Variants in ARHGEF26 observed in about 807,000 individuals in gnomAD.
The protein encoded by ARHGEF26 is Rho guanine nucleotide exchange factor 26.
Under a neutral mutation model 89.4 loss-of-function variants are expected in ARHGEF26, and 59 were observed. The observed-to-expected ratio is 0.66, with a 90% confidence interval of 0.54 to 0.82. The LOEUF (loss-of-function observed/expected upper bound fraction) is 0.82. ARHGEF26 is among the 40% of genes least tolerant of loss of function. ARHGEF26 has a pLI of 0.00. For synonymous variants in ARHGEF26, 500 were observed against 428.4 expected, an observed-to-expected ratio of 1.17 and a Z score of -2.06; for missense variants, 1,234 against 1,085.6, an observed-to-expected ratio of 1.14 and a Z score of -1.92.
In ARHGEF26 at chr3:154,257,810, G is replaced by C. The variant is rs1395965195; in HGVS notation, c.*2337G>C. ...TCAGAAAAATATGTGAATTTATAAA[G>C]ATTTTGTAGATACTTGTCCTTTTGT... On this transcript the variant is annotated 3_prime_UTR_variant, in exon 15 of 15. Coordinates refer to ENST00000465093, the MANE Select transcript of ARHGEF26 (RefSeq NM_015595.4). 1 of 152,162 alleles carries C rather than the reference G, an allele frequency of 6.6e-6. No individual in the cohort carries two copies. The highest frequency in any genetic ancestry group is 2.4e-5 in the African/African-American group (1 of 41,436). The allele number at this position is 152,162 out of a possible 1,614,324, so 9.4% of individuals were successfully genotyped here.
chr3:154,151,270 A>T (rs1056105217), intron 5 of ARHGEF26, among the ~76,000 whole-genome samples: 1 of 152,200 alleles, frequency 6.6e-6, no homozygotes, highest in African/African-American at 2.4e-5. Context: ...CAAAGGGCTT[A>T]TTTGTTTATG....
At chr3:154,140,393 G>A (rs1719285896) in intron 4 of ARHGEF26, among the ~76,000 whole-genome samples, 1 of 152,200 alleles carries the variant, frequency 6.6e-6, no homozygotes, top group South Asian at 2.1e-4. Flanking sequence ...AGCCTCTGCA[G>A]TGACCTCAAA....
intron 3 of ARHGEF26, among the ~76,000 whole-genome samples, chr3:154,126,849 G>A (rs750493161): frequency 6.6e-6 from 1 of 152,120 alleles, no homozygotes; most frequent in Non-Finnish European, 1.5e-5. Flanking sequence ...CAGTTTTGTT[G>A]TTGTGCAAAT....
chr3:154,191,432 G>T lies in ARHGEF26; in HGVS notation c.1770+14G>T, dbSNP rs757235868. ...CTGCTGATGGATGTAAGACATGACGGTGGCTTTTTCCTCTGTGGATAGCTG... is the reference window on the plus strand; with the variant it reads ...CTGCTGATGGATGTAAGACATGACGTTGGCTTTTTCCTCTGTGGATAGCTG... On this transcript the variant is annotated intron_variant, in intron 8 of 14. Transcript: ENST00000465093. 6.2e-7 allele frequency: 1 copy of T among 1,610,262 alleles called. No homozygotes were observed. Among genetic ancestry groups the T allele is most frequent in the South Asian group, 1.1e-5 (1 of 90,292 alleles).
chr3:154,161,573 T>C (rs1043267167), intron 6 of ARHGEF26, among the ~76,000 whole-genome samples: 1 of 152,216 alleles, frequency 6.6e-6, no homozygotes, highest in Non-Finnish European at 1.5e-5. Flanking sequence ...TGTTGACTTT[T>C]GTAAATATAT....
At chr3:154,231,716 C>T (rs949443158) in intron 11 of ARHGEF26, among the ~76,000 whole-genome samples, 1 of 152,196 alleles carries the variant, frequency 6.6e-6, no homozygotes, top group Non-Finnish European at 1.5e-5. Flanking sequence ...ACGGCACGCT[C>T]TAGGACCAGA....
At position 154,240,552 on chromosome 3, in the gene ARHGEF26, T is replaced by C. The variant is rs1428780683; in HGVS notation, c.2273T>C (p.Val758Ala). 1.2e-6 allele frequency: 2 copies of C among 1,612,062 alleles called. No homozygotes were observed. The highest frequency in any genetic ancestry group is 3.3e-5 in the Admixed American group (2 of 59,720). Reference sequence around the variant, plus strand: ...CTTAGTAACCACGCGAATGAGAAAGTGGAGATGCTACTAGGAGCTGAGACG... The same window carrying C: ...CTTAGTAACCACGCGAATGAGAAAGCGGAGATGCTACTAGGAGCTGAGACG... ...TVLSNHANEK[V>A]EMLLGAETQS... The change falls in exon 12 of 15, where the codon GTG becomes GCG. Residue 758 changes from valine to alanine, a missense_variant. Transcript: ENST00000465093.
intron 1 of ARHGEF26, 134 bp from the exon 2 acceptor site, chr3:154,121,808 G>A (rs998467345): frequency 2.5e-6 from 2 of 794,072 alleles, no homozygotes; most frequent in Admixed American, 3.1e-5. Flanking sequence ...GTTTTTGCCC[G>A]AGAAAGGGCG....
chr3:154,239,471 T>C (rs116822549), intron 11 of ARHGEF26, among the ~76,000 whole-genome samples: 1,652 of 152,062 alleles, frequency 0.011, 20 homozygotes, highest in African/African-American at 0.038. Flanking sequence ...GCTTCAAAGC[T>C]GATGATGTTT....
chr3:154,202,476 G>A (rs1201573546), intron 9 of ARHGEF26, among the ~76,000 whole-genome samples: 1 of 152,068 alleles, frequency 6.6e-6, no homozygotes, highest in African/African-American at 2.4e-5. Flanking sequence ...GATTGACTTG[G>A]CAATGTGGGC....
At chr3:154,188,547 G>A (rs1304658682) in intron 7 of ARHGEF26, among the ~76,000 whole-genome samples, 1 of 152,134 alleles carries the variant, frequency 6.6e-6, no homozygotes, top group Non-Finnish European at 1.5e-5. Context: ...AAAGAGTCCT[G>A]TTTATCACAA....
At chr3:154,161,281 T>C (rs1711647472) in intron 6 of ARHGEF26, among the ~76,000 whole-genome samples, 1 of 87,360 alleles carries the variant, frequency 1.1e-5, no homozygotes, top group South Asian at 4.2e-4. Context: ...AAACAATAAG[T>C]TGAGTATTAC....
chr3:154,140,150 G>T, intron 4 of ARHGEF26, among the ~76,000 whole-genome samples: 1 of 152,190 alleles, frequency 6.6e-6, no homozygotes, highest in Non-Finnish European at 1.5e-5. Flanking sequence ...ATAGCTGTTA[G>T]CTCTGGGATC....
At position 154,122,372 on chromosome 3, in the gene ARHGEF26, C is replaced by G. The variant is rs750204040; in HGVS notation, c.380C>G (p.Ser127Cys). Residue 127 changes from serine (S) to cysteine (C), a missense_variant, in exon 2 of 15, where the codon TCC (serine) becomes TGC (cysteine). Coordinates refer to ENST00000465093, the MANE Select transcript of ARHGEF26 (RefSeq NM_015595.4). Reference sequence around the variant, plus strand: ...GCGGTGCCTGGCGGCTCCCCGAAATCCCCAGCAAATGGCGCGGTGACCTTG... The same window carrying G: ...GCGGTGCCTGGCGGCTCCCCGAAATGCCCAGCAAATGGCGCGGTGACCTTG... ...PKAVPGGSPK[S>C]PANGAVTLPA... is the part of the protein sequence containing the mutation. 1.4e-5 allele frequency: 23 copies of G among 1,612,276 alleles called. No individual in the cohort carries two copies. The Admixed American group carries it at 3.8e-4, about 27-fold the overall frequency.
chr3:154,123,836 T>C (rs1718152461), intron 2 of ARHGEF26, among the ~76,000 whole-genome samples: 1 of 152,104 alleles, frequency 6.6e-6, no homozygotes, highest in South Asian at 2.1e-4. Flanking sequence ...AAATATGACA[T>C]AAAGAAACAG....
intron 6 of ARHGEF26, among the ~76,000 whole-genome samples, chr3:154,175,296 T>C (rs1038810209): frequency 6.6e-6 from 1 of 152,204 alleles, no homozygotes; most frequent in Admixed American, 6.5e-5. Flanking sequence ...AGCTGCATAT[T>C]GTAGGCTATT....
chr3:154,203,173 A>G (rs2108215720), intron 9 of ARHGEF26, among the ~76,000 whole-genome samples: 1 of 152,304 alleles, frequency 6.6e-6, no homozygotes, highest in South Asian at 2.1e-4. Flanking sequence ...GATACGTCCC[A>G]TTGATACCTA....
At chr3:154,171,268 C>A (rs1336161733) in intron 6 of ARHGEF26, among the ~76,000 whole-genome samples, 1 of 152,052 alleles carries the variant, frequency 6.6e-6, no homozygotes, top group Non-Finnish European at 1.5e-5. Context: ...CTTATATACC[C>A]CCTGATGCTG....
At chr3:154,148,716 T>G (rs1330285507) in intron 4 of ARHGEF26, among the ~76,000 whole-genome samples, 2 of 152,188 alleles carry the variant, frequency 1.3e-5, no homozygotes, top group African/African-American at 2.4e-5. Flanking sequence ...AAATTCCTGC[T>G]CAGGGTTAAC....
Sources: gnomAD v4.1 joint callset for allele counts (sites outside exome capture counted in the v4.1 genomes callset) on GRCh38, gnomAD v4.1.1 for gene constraint, MANE v1.5 for transcripts, NCBI Gene and HGNC (gene_info 2026-07-23, HGNC 2026-07-21) for gene names.